The following S100A16 variants were observed in gnomAD, a reference collection of about 807,000 sequenced individuals.
The protein encoded by S100A16 is protein S100-A16.
Under a neutral mutation model 9.0 loss-of-function variants are expected in S100A16, and 8 were observed. The observed-to-expected ratio is 0.89, with a 90% CI of 0.52 to 1.60. The LOEUF (loss-of-function observed/expected upper bound fraction) is 1.60, where lower values mean the gene tolerates loss of function less well. S100A16 is among the 40% of genes most tolerant of loss of function. S100A16 has a pLI of 0.00. For missense variants in S100A16, 138 were observed against 132.4 expected (o/e 1.04, Z -0.21); for synonymous variants, 51 against 51.4 (o/e 0.99, Z 0.04).
At chr1:153,607,745 C>T (rs774508580) in intron 2 of S100A16, 53 bp from the exon 3 acceptor site, 154 of 1,602,708 alleles carry the variant, frequency 9.6e-5, no homozygotes, top group Non-Finnish European at 1.3e-4. Flanking sequence ...CAGAGAGACT[C>T]CAGGCAGGAC....
chr1:153,611,942 C>CACACACACAA (rs1553221883), intron 1 of S100A16, among the ~76,000 whole-genome samples: 1 of 151,736 alleles, frequency 6.6e-6, no homozygotes, highest in Non-Finnish European at 1.5e-5. Context: ...CACACACACA[C>CACACACACAA]ACACACACAC....
chr1:153,608,433 CACCAGGTTCCAGCCCTAGGG>C (rs1666752747), intron 1 of S100A16: 1 of 433,858 alleles, frequency 2.3e-6, no homozygotes, highest in Non-Finnish European at 4.2e-6. Flanking sequence ...CAGCCCCAGG[CACCAGGTTCCAGCCCTAGGG>C]AGCAAGATCC....
Position 153,608,075 on chromosome 1 carries a change from T to C in S100A16, c.77A>G (p.Tyr26Cys). 6.2e-7 allele frequency: 1 copy of C among 1,614,086 alleles called. No individual in the cohort carries two copies. The highest frequency in any genetic ancestry group is 1.1e-5 in the South Asian group (1 of 91,080). ...GCTGATCTTGTTCTTGACCAGGCTGTACTTAGACACATATTTGTAGAAGTT... is the reference window on the plus strand; with the variant it reads ...GCTGATCTTGTTCTTGACCAGGCTGCACTTAGACACATATTTGTAGAAGTT... ...VENFYKYVSK[Y>C]SLVKNKISKS... is the part of the protein sequence containing the mutation. The change falls in exon 2 of 3, where the codon TAC becomes TGC. Residue 26 changes from tyrosine to cysteine, a missense_variant. Tyr to Cys is a radical substitution (Grantham distance 194). Transcript: ENST00000368706.
At chr1:153,611,338 G>A (rs547261464) in intron 1 of S100A16, among the ~76,000 whole-genome samples, 5 of 145,204 alleles carry the variant, frequency 3.4e-5, no homozygotes, top group Admixed American at 7.2e-5. Context: ...CCACCACACC[G>A]TCCTAAGTCC....
chr1:153,609,846 G>T (rs10157202), intron 1 of S100A16, among the ~76,000 whole-genome samples: 110 of 152,226 alleles, frequency 7.2e-4, no homozygotes, highest in Middle Eastern at 3.4e-3. Flanking sequence ...GACCAGGAGG[G>T]AACAGGCCAG....
At chr1:153,608,301 T>C in intron 1 of S100A16, 124 bp from the exon 2 acceptor site, 1 of 780,248 alleles carries the variant, frequency 1.3e-6, no homozygotes, top group Non-Finnish European at 2.0e-6. Context: ...GAGAAGAAGG[T>C]GGCAGGAAAA....
At chr1:153,612,213 T>A (rs186228306) in intron 1 of S100A16, among the ~76,000 whole-genome samples, 1 of 152,178 alleles carries the variant, frequency 6.6e-6, no homozygotes, top group Admixed American at 6.5e-5. Context: ...CCCACTGGGC[T>A]GGGCAGGGGA....
chr1:153,610,739 G>C (rs1425328905), intron 1 of S100A16, among the ~76,000 whole-genome samples: 1 of 152,126 alleles, frequency 6.6e-6, no homozygotes, highest in African/African-American at 2.4e-5. Context: ...TAGGGTAGCA[G>C]GCAGGCAGGG....
intron 1 of S100A16, chr1:153,609,318 G>A: frequency 6.1e-6 from 6 of 986,020 alleles, no homozygotes; most frequent in Non-Finnish European, 6.0e-6. Context: ...CCTGCTTTCC[G>A]TTGGCCACTT....
chr1:153,610,101 AG>A (rs1395756769), intron 1 of S100A16, among the ~76,000 whole-genome samples: 14 of 152,200 alleles, frequency 9.2e-5, no homozygotes, highest in African/African-American at 3.4e-4. Context: ...TAACATTTAC[AG>A]TTGAAGAGGA....
chr1:153,609,173 C>T (rs1294837684), intron 1 of S100A16: 3 of 985,438 alleles, frequency 3.0e-6, no homozygotes, highest in East Asian at 2.3e-4. Context: ...TCCAGTCACC[C>T]TCACCCGGCG....
intron 1 of S100A16, among the ~76,000 whole-genome samples, chr1:153,609,856 G>A (rs761578101): frequency 2.6e-5 from 4 of 152,164 alleles, no homozygotes; most frequent in Non-Finnish European, 4.4e-5. Flanking sequence ...GAACAGGCCA[G>A]GAAGCAAGAA....
At chr1:153,607,817 C>A in intron 2 of S100A16, 125 bp from the exon 3 acceptor site, 1 of 1,307,714 alleles carries the variant, frequency 7.6e-7, no homozygotes, top group Non-Finnish European at 1.1e-6. Context: ...GCAAATATAG[C>A]CCTCACTGGC....
chr1:153,609,356 G>GCCCTGCCCTCTC (rs1666784419), intron 1 of S100A16: 2 of 986,080 alleles, frequency 2.0e-6, no homozygotes, highest in South Asian at 9.4e-5. Flanking sequence ...CATGCCGGCT[G>GCCCTGCCCTCTC]CCCTGCCCTC....
In S100A16 at chr1:153,608,288, C is replaced by T. The variant is rs1258389083; in HGVS notation, c.-26-111G>A. 16 of 877,992 alleles carry T rather than the reference C, an allele frequency of 1.8e-5. 1 individual carries two copies. Among genetic ancestry groups the T allele is most frequent in the Middle Eastern group, 3.4e-4 (1 of 2,910 alleles). The allele number at this position is 877,992 out of a possible 1,614,324, so 54.4% of individuals were successfully genotyped here. A position where few individuals can be genotyped will look rare whatever the true frequency, so the allele number is the denominator to read the frequency against. Reference sequence around the variant, plus strand: ...CCTCCTCCTGCCTTGTTTCTGGTCCCTGGAGAAGAAGGTGGCAGGAAAAGG... The same window carrying T: ...CCTCCTCCTGCCTTGTTTCTGGTCCTTGGAGAAGAAGGTGGCAGGAAAAGG... On this transcript the variant is annotated intron_variant, in intron 1 of 2. Coordinates refer to ENST00000368706, the MANE Select transcript of S100A16 (RefSeq NM_080388.3).
intron 1 of S100A16, among the ~76,000 whole-genome samples, chr1:153,608,499 TG>T (rs1448383215): frequency 1.3e-5 from 2 of 151,972 alleles, no homozygotes; most frequent in African/African-American, 4.8e-5. Context: ...GAGGCTCTCA[TG>T]GGAAGAGAAG....
chr1:153,612,755 C>T (rs1235309528), intron 1 of S100A16, among the ~76,000 whole-genome samples, 197 bp downstream of exon 1: 2 of 152,110 alleles, frequency 1.3e-5, no homozygotes, highest in Admixed American at 6.5e-5. Context: ...AAGGCCTCAC[C>T]CAGCCCCCAA....
In S100A16 at chr1:153,613,016, A is replaced by T. The variant is rs1223620480; in HGVS notation, c.-91T>A. 1 of 152,474 alleles carries T rather than the reference A, an allele frequency of 6.6e-6. No homozygotes were observed. Among genetic ancestry groups the T allele is most frequent in the African/African-American group, 2.4e-5 (1 of 41,384 alleles). 9.4% of individuals were successfully genotyped at this position (152,474 alleles called of 1,614,324 possible). A position where few individuals can be genotyped will look rare whatever the true frequency, so the allele number is the denominator to read the frequency against. On this transcript the variant is annotated 5_prime_UTR_variant, in exon 1 of 3. Transcript: ENST00000368706. ...GGCCTGGGCTCTGGCACTGCCAAGC[A>T]GCTCCCTGCGCTCAGCCCAGCCGGG...
rs115917975 is a variant in S100A16, at chr1:153,607,388, C to G, written c.*146G>C. 1 of 906,764 alleles carries G rather than the reference C, an allele frequency of 1.1e-6. No homozygotes were observed. Among genetic ancestry groups the G allele is most frequent in the Non-Finnish European group, 1.7e-6 (1 of 596,906 alleles). 56.2% of individuals were successfully genotyped at this position (906,764 alleles called of 1,614,324 possible). A position where few individuals can be genotyped will look rare whatever the true frequency, so the allele number is the denominator to read the frequency against. The stretch of plus-strand genomic sequence containing the variant: ...CTAGACTGAGACACTCACAAAGGGA[C>G]CCCAGTTCAGCAAGGGTCAGAGGAA... On this transcript the variant is annotated 3_prime_UTR_variant, in exon 3 of 3. Coordinates refer to ENST00000368706, the MANE Select transcript of S100A16 (RefSeq NM_080388.3).
Sources: allele counts gnomAD v4.1 joint callset (sites outside exome capture counted in the v4.1 genomes callset), GRCh38; gene constraint gnomAD v4.1.1; transcripts MANE v1.5; gene names NCBI Gene and HGNC (gene_info 2026-07-23, HGNC 2026-07-21).